APP: variants seen among roughly 807,000 people sequenced by gnomAD.
APP encodes amyloid beta precursor protein.
APP carries 31 observed loss-of-function variants against 101.4 expected under a neutral mutation model. That is an observed-to-expected ratio of 0.31 (90% CI 0.23 to 0.41). The LOEUF is 0.41. Ranked by LOEUF, APP falls within the 10% of genes least tolerant of loss-of-function variation. APP has a pLI of 1.00. For synonymous variants in APP, 366 were observed against 364.4 expected, an observed-to-expected ratio of 1.00 and a Z score of -0.05; for missense variants, 839 against 1,003.7, an observed-to-expected ratio of 0.84 and a Z score of 2.22.
At chr21:26,036,861 A>T (rs187020422) in intron 5 of APP, among the ~76,000 whole-genome samples, 11 of 152,318 alleles carry the variant, frequency 7.2e-5, no homozygotes, top group African/African-American at 2.6e-4. Flanking sequence ...AGAAATCAGT[A>T]TATTAAAAGA....
chr21:25,888,257 A>C (rs2037469167), intron 17 of APP, among the ~76,000 whole-genome samples: 1 of 152,164 alleles, frequency 6.6e-6, no homozygotes, highest in East Asian at 1.9e-4. Flanking sequence ...AGGTAGGAAG[A>C]GGATGTTGCA....
intron 3 of APP, chr21:26,068,075 C>T (rs1393882591): frequency 6.6e-6 from 1 of 152,152 alleles, no homozygotes; most frequent in Non-Finnish European, 1.5e-5. Flanking sequence ...TTACCAAAAC[C>T]TTAACTCATA....
chr21:25,974,843 G>A (rs969090582), intron 11 of APP, among the ~76,000 whole-genome samples: 2 of 152,170 alleles, frequency 1.3e-5, no homozygotes, highest in African/African-American at 4.8e-5. Context: ...CTGTCTGGCT[G>A]CTCTGTGGGG....
chr21:25,954,989 T>C (rs1408334585), intron 12 of APP, among the ~76,000 whole-genome samples: 1 of 151,810 alleles, frequency 6.6e-6, no homozygotes, highest in Non-Finnish European at 1.5e-5. Context: ...CTTGTATGCT[T>C]ATAACAGCCA....
At chr21:25,943,999 A>C (rs781133450) in intron 13 of APP, among the ~76,000 whole-genome samples, 1 of 152,124 alleles carries the variant, frequency 6.6e-6, no homozygotes, top group Non-Finnish European at 1.5e-5. Flanking sequence ...ACACCTCAGT[A>C]TCTGCCCTCA....
chr21:25,999,973 G>C, intron 7 of APP, 42 bp downstream of exon 7: 9 of 1,607,092 alleles, frequency 5.6e-6, no homozygotes, highest in Non-Finnish European at 7.7e-6. Flanking sequence ...TCAGTGGCGA[G>C]AGAGACGAAA....
chr21:26,110,568 T>C (rs1321909742), intron 2 of APP, among the ~76,000 whole-genome samples: 1 of 152,208 alleles, frequency 6.6e-6, no homozygotes, highest in Non-Finnish European at 1.5e-5. Flanking sequence ...TAATATGTAA[T>C]ATATTGTGAT....
chr21:26,127,981 C>G (rs752975066), intron 1 of APP, among the ~76,000 whole-genome samples: 1 of 152,168 alleles, frequency 6.6e-6, no homozygotes, highest in Non-Finnish European at 1.5e-5. Flanking sequence ...TACAAAGATA[C>G]CTGCTATTTA....
chr21:26,013,452 TAC>T (rs886311493), intron 6 of APP, among the ~76,000 whole-genome samples: 1 of 151,128 alleles, frequency 6.6e-6, no homozygotes, highest in African/African-American at 2.4e-5. Flanking sequence ...TTGAGTTGAG[TAC>T]AGTTATTGTG....
intron 6 of APP, among the ~76,000 whole-genome samples, chr21:26,020,311 G>A (rs1462496761): frequency 6.6e-6 from 1 of 152,212 alleles, no homozygotes; most frequent in Non-Finnish European, 1.5e-5. Flanking sequence ...GAGTGAGTAT[G>A]TGTGATCTTA....
At chr21:26,010,227 A>G (rs1287391206) in intron 6 of APP, among the ~76,000 whole-genome samples, 1 of 151,994 alleles carries the variant, frequency 6.6e-6, no homozygotes, top group Non-Finnish European at 1.5e-5. Context: ...AAAAAAAAAA[A>G]ACAAAACAAA....
chr21:26,087,600 C>T (rs1283695394), intron 3 of APP, among the ~76,000 whole-genome samples: 2 of 152,212 alleles, frequency 1.3e-5, no homozygotes, highest in Non-Finnish European at 2.9e-5. Context: ...GAATAAACTC[C>T]TTCCCTGAGA....
intron 13 of APP, chr21:25,933,825 TTTAAGACATGTAG>T (rs2040249155): frequency 6.6e-6 from 1 of 152,192 alleles, no homozygotes; most frequent in African/African-American, 2.4e-5. Context: ...AGGTCATAAA[TTTAAGACATGTAG>T]TTCTTAGATT....
At chr21:26,011,073 A>T (rs58201667) in intron 6 of APP, among the ~76,000 whole-genome samples, 87,870 of 150,292 alleles carry the variant, frequency 0.58, 28,218 homozygotes, top group Non-Finnish European at 0.74. Flanking sequence ...TCACTTTTTT[A>T]TTTTTATTTA....
At chr21:25,923,072 G>A (rs1213568963) in intron 13 of APP, among the ~76,000 whole-genome samples, 1 of 137,300 alleles carries the variant, frequency 7.3e-6, no homozygotes, top group South Asian at 2.5e-4. Flanking sequence ...CAGAAATAAC[G>A]CCGCATACCT....
chr21:26,098,429 CAAG>C (rs1270491516), intron 2 of APP, among the ~76,000 whole-genome samples: 6 of 151,770 alleles, frequency 4.0e-5, no homozygotes, highest in African/African-American at 1.2e-4. Flanking sequence ...TTAAGAAAGC[CAAG>C]AAGAGAAATG....
At chr21:26,089,236 AAAC>A (rs986006116) in intron 3 of APP, among the ~76,000 whole-genome samples, 1 of 152,254 alleles carries the variant, frequency 6.6e-6, no homozygotes, top group Non-Finnish European at 1.5e-5. Context: ...GGTCACATAA[AAAC>A]AACAACTAGG....
intron 6 of APP, among the ~76,000 whole-genome samples, chr21:26,007,404 T>C (rs2043581241): frequency 2.7e-5 from 4 of 147,390 alleles, no homozygotes; most frequent in Admixed American, 2.0e-4. Flanking sequence ...ATAAAAACTT[T>C]ATAATTTATA....
In APP at chr21:26,062,698, G is replaced by A. The variant is rs531142904; in HGVS notation, c.356-9350C>T. On this transcript the variant is annotated intron_variant, in intron 3 of 17. Transcript: ENST00000346798. The stretch of plus-strand genomic sequence containing the variant: ...TAAATAAATAAATAAATAAATATTT[G>A]TTAGCAGTCTTGCAGCTTTTAAAAA... Among the ~76,000 whole-genome samples the A allele has an allele frequency of 4.3e-5, 4 of 93,538 alleles. 1 individual carries two copies. Among genetic ancestry groups the A allele is most frequent in the African/African-American group, 1.6e-4 (4 of 25,528 alleles). 61.4% of individuals were successfully genotyped at this position (93,538 alleles called of 152,430 possible).
Sources: allele counts gnomAD v4.1 joint callset (sites outside exome capture counted in the v4.1 genomes callset), GRCh38; gene constraint gnomAD v4.1.1; transcripts MANE v1.5; gene names NCBI Gene and HGNC (gene_info 2026-07-23, HGNC 2026-07-21).